The following ZBTB20 variants were observed in gnomAD, a reference collection of about 807,000 sequenced individuals.
ZBTB20 encodes zinc finger and BTB domain-containing protein 20.
ZBTB20 carries 9 observed loss-of-function variants against 56.9 expected under a neutral mutation model. That is an observed-to-expected ratio of 0.16 (90% CI 0.10 to 0.28). The LOEUF (loss-of-function observed/expected upper bound fraction) is 0.28, where lower values mean the gene tolerates loss of function less well. ZBTB20 is among the 10% of genes least tolerant of loss of function. The pLI, the probability that ZBTB20 is intolerant of heterozygous loss-of-function variation, is 1.00. For missense variants in ZBTB20, 655 were observed against 1,003.0 expected, an observed-to-expected ratio of 0.65 and a Z score of 4.69; for synonymous variants, 417 against 420.7, an observed-to-expected ratio of 0.99 and a Z score of 0.11.
At chr3:115,007,071 C>T (rs2079503291) in intron 2 of ZBTB20, among the ~76,000 whole-genome samples, 1 of 151,762 alleles carries the variant, frequency 6.6e-6, no homozygotes, top group Non-Finnish European at 1.5e-5. Context: ...CAAAATAGTT[C>T]TATCTATATT....
At chr3:114,549,307 A>AT (rs1233472535) in intron 6 of ZBTB20, among the ~76,000 whole-genome samples, 1 of 152,216 alleles carries the variant, frequency 6.6e-6, no homozygotes, top group African/African-American at 2.4e-5. Context: ...TTCAGTGTTA[A>AT]TTTTGTACTA....
At chr3:114,988,749 C>T (rs1418557424) in intron 2 of ZBTB20, among the ~76,000 whole-genome samples, 1 of 152,174 alleles carries the variant, frequency 6.6e-6, no homozygotes, top group African/African-American at 2.4e-5. Context: ...TCTCCACATC[C>T]TCTCCAGCAC....
chr3:114,777,839 C>G (rs1463795823), intron 5 of ZBTB20, among the ~76,000 whole-genome samples: 3 of 151,858 alleles, frequency 2.0e-5, no homozygotes, highest in Admixed American at 1.3e-4. Context: ...AGACTTGGAA[C>G]CAACCCAAAC....
chr3:114,640,427 AG>A (rs1465750941), intron 6 of ZBTB20, among the ~76,000 whole-genome samples: 2 of 152,112 alleles, frequency 1.3e-5, no homozygotes, highest in African/African-American at 2.4e-5. Flanking sequence ...ACCAAATTCA[AG>A]GGAACTGTGG....
chr3:114,351,035 A>G lies in ZBTB20; in HGVS notation c.1043T>C (p.Leu348Pro). The change falls in exon 11 of 12, where the codon CTG becomes CCG. Residue 348 changes from leucine to proline, a missense_variant. Leu to Pro is a moderately conservative substitution (Grantham distance 98). Transcript: ENST00000675478. ...GCACTCCTCGGATTCGTTGCGTTCC[A>G]GGATCTGCACCCTTTGCTGCCCGTA... ...DYYGQQRVQI[L>P]ERNESEECTE... 2 of 1,611,690 alleles carry G rather than the reference A, an allele frequency of 1.2e-6. No individual in the cohort carries two copies. The highest frequency in any genetic ancestry group is 1.7e-6 in the Non-Finnish European group (2 of 1,179,860).
At chr3:115,115,000 C>T (rs2083980028) in intron 1 of ZBTB20, among the ~76,000 whole-genome samples, 1 of 152,076 alleles carries the variant, frequency 6.6e-6, no homozygotes, top group African/African-American at 2.4e-5. Context: ...TCAAGTGGTG[C>T]AAATGATATT....
chr3:114,789,785 A>G (rs2070803229), intron 5 of ZBTB20, among the ~76,000 whole-genome samples: 1 of 152,170 alleles, frequency 6.6e-6, no homozygotes, highest in Non-Finnish European at 1.5e-5. Context: ...AAAAGTCATG[A>G]AAATGGTCTG....
At chr3:114,839,282 T>G (rs1281736261) in intron 4 of ZBTB20, among the ~76,000 whole-genome samples, 1 of 151,870 alleles carries the variant, frequency 6.6e-6, no homozygotes, top group African/African-American at 2.4e-5. Context: ...GCGCCTATGG[T>G]CCCAGCTACT....
At chr3:114,400,125 G>C (rs1209026457) in intron 7 of ZBTB20, among the ~76,000 whole-genome samples, 3 of 152,128 alleles carry the variant, frequency 2.0e-5, no homozygotes, top group Non-Finnish European at 2.9e-5. Flanking sequence ...CTGGGGCAGA[G>C]CACTAGATGG....
At chr3:114,839,467 G>GAAAGAAAGAA (rs1420146858) in intron 4 of ZBTB20, among the ~76,000 whole-genome samples, 30 of 150,340 alleles carry the variant, frequency 2.0e-4, no homozygotes, top group South Asian at 4.2e-4. Flanking sequence ...AAGAAAGAAA[G>GAAAGAAAGAA]AGAGAGAGAA....
chr3:114,926,169 A>G (rs1208881186), intron 3 of ZBTB20, among the ~76,000 whole-genome samples: 1 of 152,212 alleles, frequency 6.6e-6, no homozygotes, highest in African/African-American at 2.4e-5. Context: ...CTACAGAGAA[A>G]GCAAGGGCTT....
At chr3:114,377,869 AT>A (rs2108506890) in intron 10 of ZBTB20, among the ~76,000 whole-genome samples, 1 of 152,268 alleles carries the variant, frequency 6.6e-6, no homozygotes, top group African/African-American at 2.4e-5. Context: ...ACTAAGAATA[AT>A]TTTGCTAAAC....
In ZBTB20 at chr3:114,468,044, T is replaced by C. The variant is rs540036691; in HGVS notation, c.-255+32308A>G. Among the ~76,000 whole-genome samples the C allele has an allele frequency of 2.0e-5, 3 of 152,352 alleles. No homozygotes were observed. In the South Asian group the frequency reaches 6.2e-4, roughly 32 times the overall value. The stretch of plus-strand genomic sequence containing the variant: ...TGTTATTAAGTGCAATGTTTATGTG[T>C]ATTTTTTCTGTTCCAAGATTTTTTT... On this transcript the variant is annotated intron_variant, in intron 7 of 11. Transcript: ENST00000675478.
At chr3:114,992,480 A>G (rs2078856756) in intron 2 of ZBTB20, among the ~76,000 whole-genome samples, 1 of 152,038 alleles carries the variant, frequency 6.6e-6, no homozygotes. Flanking sequence ...ACAAGTTAGA[A>G]TGAAAGCTAT....
At chr3:115,105,626 C>T (rs1256122981) in intron 1 of ZBTB20, among the ~76,000 whole-genome samples, 8 of 152,130 alleles carry the variant, frequency 5.3e-5, no homozygotes, top group Non-Finnish European at 7.4e-5. Flanking sequence ...CCCAGCAACT[C>T]CATCTAAAGT....
At chr3:114,448,520 C>T (rs1033662330) in intron 7 of ZBTB20, among the ~76,000 whole-genome samples, 1 of 151,918 alleles carries the variant, frequency 6.6e-6, no homozygotes, top group African/African-American at 2.4e-5. Context: ...GAAAGCTTTC[C>T]AAGAGATTGC....
At chr3:114,898,051 T>C (rs1489252550) in intron 4 of ZBTB20, among the ~76,000 whole-genome samples, 1 of 152,136 alleles carries the variant, frequency 6.6e-6, no homozygotes, top group Non-Finnish European at 1.5e-5. Flanking sequence ...TATAAACATG[T>C]ATACAGTAAA....
intron 5 of ZBTB20, among the ~76,000 whole-genome samples, chr3:114,786,029 T>G (rs550199892): frequency 2.9e-4 from 44 of 152,258 alleles, no homozygotes; most frequent in Non-Finnish European, 1.5e-5. Context: ...CTGGGATACA[T>G]GTACAGGACG....
chr3:115,048,958 A>T (rs2081439372), intron 2 of ZBTB20, among the ~76,000 whole-genome samples: 2 of 152,116 alleles, frequency 1.3e-5, no homozygotes, highest in Admixed American at 1.3e-4. Context: ...GAACCTCCAA[A>T]CTTACTCCAT....
Sources: gnomAD v4.1 joint callset for allele counts (sites outside exome capture counted in the v4.1 genomes callset) on GRCh38, gnomAD v4.1.1 for gene constraint, MANE v1.5 for transcripts, NCBI Gene and HGNC (gene_info 2026-07-23, HGNC 2026-07-21) for gene names.